FMNL2: variants seen among roughly 807,000 people sequenced by gnomAD.
The protein encoded by FMNL2 is formin like 2.
A neutral mutation model predicts 130.2 loss-of-function variants in FMNL2; 51 were observed. The observed-to-expected ratio is 0.39, with a 90% confidence interval of 0.31 to 0.49. The LOEUF (loss-of-function observed/expected upper bound fraction) is 0.49, where lower values mean the gene tolerates loss of function less well. FMNL2 is among the 20% of genes least tolerant of loss of function. FMNL2 has a pLI of 0.85. For synonymous variants in FMNL2, 465 were observed against 467.1 expected (o/e 1.00, Z 0.06); for missense variants, 977 against 1,316.2 (o/e 0.74, Z 3.99).
At chr2:152,417,177 A>G (rs963841655) in intron 1 of FMNL2, among the ~76,000 whole-genome samples, 6 of 152,240 alleles carry the variant, frequency 3.9e-5, no homozygotes, top group Admixed American at 2.0e-4. Context: ...CAAATCTGAC[A>G]TGTGCAAAGT....
intron 1 of FMNL2, among the ~76,000 whole-genome samples, chr2:152,496,980 G>T (rs1024129956): frequency 6.6e-6 from 1 of 151,924 alleles, no homozygotes; most frequent in Non-Finnish European, 1.5e-5. Flanking sequence ...CCTTATTAGA[G>T]AAAGGTATAT....
intron 6 of FMNL2, among the ~76,000 whole-genome samples, chr2:152,563,167 A>G (rs1695628950): frequency 6.6e-6 from 1 of 152,204 alleles, no homozygotes; most frequent in Non-Finnish European, 1.5e-5. Flanking sequence ...TTCAAATTGG[A>G]AAGTCAGACC....
At chr2:152,387,707 G>T (rs1684860794) in intron 1 of FMNL2, among the ~76,000 whole-genome samples, 1 of 151,976 alleles carries the variant, frequency 6.6e-6, no homozygotes, top group Admixed American at 6.6e-5. Flanking sequence ...GGGCTAGAGT[G>T]CAGTAGTGCA....
chr2:152,537,999 C>T (rs772368240), intron 2 of FMNL2, among the ~76,000 whole-genome samples: 3 of 152,048 alleles, frequency 2.0e-5, no homozygotes, highest in Non-Finnish European at 4.4e-5. Flanking sequence ...GATATAGAAG[C>T]TTGAGTGAGC....
At chr2:152,427,000 C>T (rs1477455392) in intron 1 of FMNL2, among the ~76,000 whole-genome samples, 1 of 152,164 alleles carries the variant, frequency 6.6e-6, no homozygotes, top group East Asian at 1.9e-4. Context: ...GCTCACATGG[C>T]ATGTAATAGC....
chr2:152,596,186 CT>C (rs1697764325), intron 9 of FMNL2, among the ~76,000 whole-genome samples: 1 of 151,704 alleles, frequency 6.6e-6, no homozygotes, highest in African/African-American at 2.4e-5. Context: ...TGGTCTTGAA[CT>C]CCTGACCTCA....
At chr2:152,541,494 A>G (rs910587503) in intron 2 of FMNL2, among the ~76,000 whole-genome samples, 4 of 152,176 alleles carry the variant, frequency 2.6e-5, no homozygotes, top group African/African-American at 9.7e-5. Context: ...AGTAAGTAGT[A>G]TAAAGCCAGC....
At chr2:152,647,185 A>C (rs1287047074) in intron 25 of FMNL2, among the ~76,000 whole-genome samples, 1 of 152,096 alleles carries the variant, frequency 6.6e-6, no homozygotes, top group Non-Finnish European at 1.5e-5. Flanking sequence ...CCATTTCTTA[A>C]AAAAAATAGG....
intron 1 of FMNL2, among the ~76,000 whole-genome samples, chr2:152,381,589 G>A (rs1684467427): frequency 6.6e-6 from 1 of 152,214 alleles, no homozygotes; most frequent in African/African-American, 2.4e-5. Context: ...GAGAGTCACA[G>A]TCTTTATTCT....
chr2:152,411,641 C>T (rs1343328637), intron 1 of FMNL2, among the ~76,000 whole-genome samples: 1 of 152,176 alleles, frequency 6.6e-6, no homozygotes, highest in Non-Finnish European at 1.5e-5. Flanking sequence ...GGGGAAAAGT[C>T]CTGATCATTT....
chr2:152,454,084 G>T (rs933476975), intron 1 of FMNL2, among the ~76,000 whole-genome samples: 2 of 152,042 alleles, frequency 1.3e-5, no homozygotes, highest in African/African-American at 4.8e-5. Flanking sequence ...GACCAGCCTG[G>T]CCAACATGGT....
chr2:152,408,129 A>G (rs1686093032), intron 1 of FMNL2, among the ~76,000 whole-genome samples: 2 of 152,212 alleles, frequency 1.3e-5, no homozygotes, highest in Admixed American at 6.5e-5. Context: ...TAAGGTACAT[A>G]TTTGAAAGTT....
At chr2:152,544,294 G>A (rs1694497282) in intron 3 of FMNL2, among the ~76,000 whole-genome samples, 1 of 152,164 alleles carries the variant, frequency 6.6e-6, no homozygotes, top group Non-Finnish European at 1.5e-5. Flanking sequence ...TGTAATCCCA[G>A]CTACTCGGGA....
chr2:152,611,564 C>T lies in FMNL2; in HGVS notation c.1021C>T (p.Gln341Ter). ...AGATATGAATTTCAGAGTTCACCTG[C>T]AGTATGAATTTACCAAATTAGGCCT... ...VEDMNFRVHL[Q>*]YEFTKLGLDE... is the part of the protein sequence containing the mutation. Residue 341 changes from glutamine to a stop codon, truncating the protein, a stop_gained, in exon 11 of 26, where the codon CAG (glutamine) becomes TAG (stop). Transcript: ENST00000288670. LOFTEE classifies it high-confidence loss of function. 1 of 1,604,466 alleles carries T rather than the reference C, an allele frequency of 6.2e-7. No individual in the cohort carries two copies. The highest frequency in any genetic ancestry group is 8.5e-7 in the Non-Finnish European group (1 of 1,174,534).
chr2:152,585,225 C>T (rs891381255), intron 9 of FMNL2, among the ~76,000 whole-genome samples: 25 of 151,854 alleles, frequency 1.6e-4, no homozygotes, highest in Admixed American at 5.2e-4. Context: ...TATCTCTTAA[C>T]GAAAATTTAT....
chr2:152,581,366 T>G (rs1009369435), intron 9 of FMNL2, among the ~76,000 whole-genome samples: 1 of 152,214 alleles, frequency 6.6e-6, no homozygotes, highest in Admixed American at 6.5e-5. Context: ...GGGGTTGATA[T>G]TGGCACTTGA....
intron 1 of FMNL2, among the ~76,000 whole-genome samples, chr2:152,340,941 C>A (rs186525998): frequency 6.6e-6 from 1 of 152,212 alleles, no homozygotes; most frequent in African/African-American, 2.4e-5. Context: ...CCACCTGCCT[C>A]AGCCTCCCAG....
rs371044420 is a variant in FMNL2 at position 152,366,345 on chromosome 2, G to A, written c.117+30625G>A. 1.8e-4 allele frequency among the ~76,000 whole-genome samples: 28 copies of A among 151,354 alleles called. No individual in the cohort carries two copies. In the East Asian group the frequency reaches 3.9e-3, roughly 21 times the overall value. ...GGAGATATACCTAATGCTAAATGAC[G>A]AGTTAATGGGTGCAGCACAGCAACA... On this transcript the variant is annotated intron_variant, in intron 1 of 25. Transcript: ENST00000288670.
intron 15 of FMNL2, 41 bp from the exon 16 acceptor site, chr2:152,625,396 CT>C (rs1398118854): frequency 1.3e-6 from 2 of 1,582,900 alleles, no homozygotes; most frequent in Admixed American, 1.7e-5. Context: ...GGGTCGTAGG[CT>C]TTTGGTGGGA....
Sources: allele counts gnomAD v4.1 joint callset (sites outside exome capture counted in the v4.1 genomes callset), GRCh38; gene constraint gnomAD v4.1.1; transcripts MANE v1.5; gene names NCBI Gene and HGNC (gene_info 2026-07-23, HGNC 2026-07-21).